The following OR7C1 variants were observed in gnomAD, a reference collection of about 807,000 sequenced individuals.
OR7C1 encodes olfactory receptor 7C1.
For missense variants in OR7C1, 324 were observed against 383.3 expected (o/e 0.85, Z 1.29); for synonymous variants, 152 against 160.7 (o/e 0.95, Z 0.41).
chr19:14,822,373 C>CTTTTTTTTTTTTTTTT (rs1162241411), intron 1 of OR7C1, among the ~76,000 whole-genome samples: 3 of 67,720 alleles, frequency 4.4e-5, no homozygotes, highest in Admixed American at 2.2e-4. Context: ...TATCTCCTGT[C>CTTTTTTTTTTTTTTTT]TTTTTTTTTT....
At chr19:14,800,181 T>G (rs2044634783) in intron 4 of OR7C1, 32 bp from the exon 5 acceptor site, 1 of 1,499,184 alleles carries the variant, frequency 6.7e-7, no homozygotes, top group Non-Finnish European at 8.9e-7. Context: ...CAACAGTCAA[T>G]TATCAACACA....
rs771079206 is a variant in OR7C1 at position 14,828,118 on chromosome 19, T to C, written c.-623+6956A>G. On this transcript the variant is annotated intron_variant, in intron 1 of 4. Transcript: ENST00000641666. ...ATTGTGGCCAGGATGATGAGCAGGT[T>C]CCCGAGCACAGTGACCAGGTACATG... is the stretch of plus-strand genomic sequence containing the variant. The C allele has an allele frequency of 6.8e-6, 11 of 1,613,988 alleles. No homozygotes were observed. In the East Asian group the frequency reaches 1.3e-4, roughly 20 times the overall value.
chr19:14,818,242 G>A (rs189479444), intron 1 of OR7C1, among the ~76,000 whole-genome samples: 154 of 151,942 alleles, frequency 1.0e-3, no homozygotes, highest in African/African-American at 3.3e-3. Flanking sequence ...ACAGTTGCCC[G>A]CCACTACGCC....
intron 1 of OR7C1, chr19:14,828,249 A>G: frequency 6.2e-7 from 1 of 1,605,340 alleles, no homozygotes; most frequent in South Asian, 1.1e-5. Context: ...CATTTGATTG[A>G]AGTGACTATC....
intron 2 of OR7C1, among the ~76,000 whole-genome samples, chr19:14,809,019 G>GGAA (rs1568248884): frequency 2.6e-5 from 4 of 151,824 alleles, no homozygotes; most frequent in African/African-American, 9.7e-5. Flanking sequence ...TATTGAGTAG[G>GGAA]TTTCTTGAAA....
intron 1 of OR7C1, among the ~76,000 whole-genome samples, chr19:14,818,131 C>T (rs2044724894): frequency 1.3e-5 from 2 of 149,766 alleles, no homozygotes; most frequent in Admixed American, 1.3e-4. Context: ...GCTCTGTCCC[C>T]TAGACTGGAG....
At chr19:14,827,032 A>G (rs937779041) in intron 1 of OR7C1, 2 of 328,794 alleles carry the variant, frequency 6.1e-6, no homozygotes, top group African/African-American at 2.1e-5. Flanking sequence ...GGAAATCTCC[A>G]AAGTGTTTCT....
chr19:14,813,766 C>G (rs911842387), intron 1 of OR7C1, among the ~76,000 whole-genome samples: 1 of 152,016 alleles, frequency 6.6e-6, no homozygotes, highest in East Asian at 1.9e-4. Flanking sequence ...TGAAAACTCA[C>G]TCACTATCAC....
intron 2 of OR7C1, among the ~76,000 whole-genome samples, chr19:14,809,066 T>C: frequency 6.6e-6 from 1 of 151,992 alleles, no homozygotes; most frequent in African/African-American, 2.4e-5. Context: ...AACAAATAAA[T>C]CAATGGTGTG....
exon 5 of OR7C1, chr19:14,799,529 G>A (rs2044628610): frequency 6.2e-7 from 1 of 1,614,116 alleles, no homozygotes; most frequent in Non-Finnish European, 8.5e-7. Context: ...CAGGACGCCA[G>A]TTGCAAAGTA....
chr19:14,833,674 A>C (rs970887571), intron 1 of OR7C1, among the ~76,000 whole-genome samples: 2 of 152,238 alleles, frequency 1.3e-5, no homozygotes, highest in African/African-American at 2.4e-5. Flanking sequence ...TCATTGAAAA[A>C]AATAATTTTA....
intron 1 of OR7C1, chr19:14,826,378 G>T (rs2044767864): frequency 6.6e-6 from 1 of 152,148 alleles, no homozygotes; most frequent in African/African-American, 2.4e-5. Flanking sequence ...TAATGAAGGA[G>T]GTATTTTGGT....
intron 1 of OR7C1, among the ~76,000 whole-genome samples, chr19:14,816,135 CT>C (rs1484505965): frequency 6.6e-6 from 1 of 152,064 alleles, no homozygotes; most frequent in Non-Finnish European, 1.5e-5. Flanking sequence ...GAGTCTCTGA[CT>C]TTAGAGGAAA....
At chr19:14,800,112 C>T in exon 5 of OR7C1, 1 of 1,586,350 alleles carries the variant, frequency 6.3e-7, no homozygotes, top group Non-Finnish European at 8.6e-7. Flanking sequence ...AATTCTTGGG[C>T]ATGTGTTTGA....
Position 14,830,279 on chromosome 19 carries a change from A to T in OR7C1, c.-623+4795T>A, listed in dbSNP as rs1462072899. Among the ~76,000 whole-genome samples, 3 of 152,318 alleles carry T rather than the reference A, an allele frequency of 2.0e-5. No homozygotes were observed. The South Asian group carries it at 6.2e-4, about 32-fold the overall frequency. ...AAACTTGGACTTCCATTTTGGTATGACTGTTTTCAGCCCTGTGTTTAAAGA... is the reference window on the plus strand; with the variant it reads ...AAACTTGGACTTCCATTTTGGTATGTCTGTTTTCAGCCCTGTGTTTAAAGA... On this transcript the variant is annotated intron_variant, in intron 1 of 4. Coordinates refer to ENST00000641666, the Ensembl canonical transcript of OR7C1.
At position 14,810,608 on chromosome 19, in the gene OR7C1, A is replaced by G. The variant is rs941070283; in HGVS notation, c.-622-615T>C. On this transcript the variant is annotated intron_variant, in intron 1 of 4. Coordinates refer to ENST00000641666, the Ensembl canonical transcript of OR7C1. ...CACCATGTTAGTCAGGATGGTCTCA[A>G]TCTCCTGACCTCATGATCCGCCCGC... 8.0e-5 allele frequency among the ~76,000 whole-genome samples: 12 copies of G among 149,898 alleles called. No individual in the cohort carries two copies. In the East Asian group the frequency reaches 1.2e-3, roughly 15 times the overall value.
At chr19:14,834,576 C>G (rs1222729501) in intron 1 of OR7C1, among the ~76,000 whole-genome samples, 2 of 152,172 alleles carry the variant, frequency 1.3e-5, no homozygotes, top group African/African-American at 4.8e-5. Flanking sequence ...AGAGAAAATC[C>G]TGCAAAATAT....
intron 1 of OR7C1, among the ~76,000 whole-genome samples, chr19:14,833,377 G>A (rs1441758046): frequency 1.3e-5 from 2 of 152,226 alleles, no homozygotes; most frequent in African/African-American, 4.8e-5. Context: ...TACTCAGGAG[G>A]CTGAGGTGGG....
chr19:14,825,685 G>C (rs373791831), intron 1 of OR7C1: 12 of 152,390 alleles, frequency 7.9e-5, no homozygotes, highest in African/African-American at 2.9e-4. Flanking sequence ...GGCCACCCTA[G>C]GTCAGCCCAC....
Sources: gnomAD v4.1 joint callset for allele counts (sites outside exome capture counted in the v4.1 genomes callset) on GRCh38, gnomAD v4.1.1 for gene constraint, MANE v1.5 for transcripts, NCBI Gene and HGNC (gene_info 2026-07-23, HGNC 2026-07-21) for gene names.